The following CUBN variants were observed in gnomAD, a reference collection of about 807,000 sequenced individuals.
CUBN encodes the protein cubilin, also known as 460 kDa receptor.
A neutral mutation model predicts 405.3 loss-of-function variants in CUBN; 282 were observed. That is an observed-to-expected ratio of 0.70 (90% CI 0.63 to 0.77). The LOEUF (loss-of-function observed/expected upper bound fraction) is 0.77, where lower values mean the gene tolerates loss of function less well. Among genes scored for constraint, CUBN ranks in the 30% least tolerant of loss-of-function variants. The probability of loss-of-function intolerance (pLI) is 0.00; values close to 1 mark genes in which losing one functional copy is unlikely to be tolerated. For synonymous variants in CUBN, 1,684 were observed against 1,617.0 expected (o/e 1.04, Z -0.99); for missense variants, 4,514 against 4,475.2 (o/e 1.01, Z -0.25).
At position 16,901,368 on chromosome 10, in the gene CUBN, C is replaced by A; in HGVS notation, c.8154G>T (p.Leu2718=). Residue 2718 remains leucine, a synonymous_variant, in exon 52 of 67, where the codon CTG becomes CTT. Coordinates refer to ENST00000377833, the MANE Select transcript of CUBN (RefSeq NM_001081.4). The stretch of plus-strand genomic sequence containing the variant: ...TGGTGTGCCCTTGTGGGGCCTCCAA[C>A]AGCGAAGAGCAGTGGGTCAGGCTGT... ...AYDSLTHCSS[L]LEAPQGHTIT... 5.6e-6 allele frequency: 9 copies of A among 1,614,188 alleles called. No individual in the cohort carries two copies. Among genetic ancestry groups the A allele is most frequent in the Non-Finnish European group, 7.6e-6 (9 of 1,180,018 alleles).
chr10:16,976,717 T>C (rs1289881904), intron 31 of CUBN, among the ~76,000 whole-genome samples: 3 of 152,174 alleles, frequency 2.0e-5, no homozygotes, highest in South Asian at 4.1e-4. Context: ...TCTATGTGTC[T>C]TAACCTCTCT....
chr10:16,898,881 A>T, intron 54 of CUBN, 115 bp downstream of exon 54: 1 of 788,496 alleles, frequency 1.3e-6, no homozygotes. Context: ...CTTTTCATCC[A>T]AGGAATCCAG....
intron 36 of CUBN, among the ~76,000 whole-genome samples, chr10:16,946,495 T>C (rs984894145): frequency 6.7e-6 from 1 of 148,842 alleles, no homozygotes; most frequent in Non-Finnish European, 1.5e-5. Context: ...CATTCCTTTT[T>C]TTTTTTTTTT....
At chr10:16,906,079 A>G in intron 50 of CUBN, 124 bp downstream of exon 50, 1 of 780,176 alleles carries the variant, frequency 1.3e-6, no homozygotes, top group South Asian at 1.5e-5. Context: ...ACACCACTGC[A>G]CTCCAGTCCG....
intron 28 of CUBN, among the ~76,000 whole-genome samples, chr10:17,016,949 T>C (rs1294708752): frequency 6.6e-6 from 1 of 152,196 alleles, no homozygotes; most frequent in African/African-American, 2.4e-5. Context: ...CAGGATAGTA[T>C]TGTAATTTAT....
chr10:16,907,374 T>G, intron 49 of CUBN, 134 bp downstream of exon 49: 1 of 894,338 alleles, frequency 1.1e-6, no homozygotes, highest in Non-Finnish European at 1.8e-6. Context: ...TCTGCTTATG[T>G]GTGTTTGTCT....
At chr10:16,954,617 G>T in intron 31 of CUBN, 69 bp from the exon 32 acceptor site, 1 of 1,526,164 alleles carries the variant, frequency 6.6e-7, no homozygotes, top group Non-Finnish European at 9.0e-7. Context: ...TCCACGAACT[G>T]TCTGCACGCC....
At chr10:17,117,641 G>T (rs1440372172) in intron 6 of CUBN, among the ~76,000 whole-genome samples, 1 of 152,178 alleles carries the variant, frequency 6.6e-6, no homozygotes, top group Non-Finnish European at 1.5e-5. Context: ...AGAGGTAGAG[G>T]CTGGTCTCGA....
intron 36 of CUBN, 144 bp downstream of exon 36, chr10:16,947,091 C>T (rs1842806535): frequency 1.2e-6 from 1 of 848,562 alleles, no homozygotes; most frequent in Non-Finnish European, 1.9e-6. Flanking sequence ...ATTTATAACT[C>T]AAACTATGAC....
chr10:16,871,911 G>A (rs531833290), intron 58 of CUBN, among the ~76,000 whole-genome samples: 14 of 152,126 alleles, frequency 9.2e-5, no homozygotes, highest in East Asian at 7.7e-4. Context: ...CTCTTAGTGC[G>A]CAATAAATAA....
intron 28 of CUBN, among the ~76,000 whole-genome samples, chr10:16,999,633 A>G (rs566080760): frequency 3.3e-4 from 50 of 152,356 alleles, no homozygotes; most frequent in South Asian, 1.9e-3. Flanking sequence ...TCCCTGAAAT[A>G]AGCAGTCATG....
chr10:17,068,098 C>T lies in CUBN; in HGVS notation c.2974G>A (p.Val992Ile), dbSNP rs779167161. 1.2e-6 allele frequency: 2 copies of T among 1,613,368 alleles called. No individual in the cohort carries two copies. Among genetic ancestry groups the T allele is most frequent in the South Asian group, 2.2e-5 (2 of 91,062 alleles). The change falls in exon 21 of 67, where the codon GTT becomes ATT. Residue 992 changes from valine to isoleucine, a missense_variant. Physicochemically the swap from Val to Ile is conservative, Grantham distance 29 (BLOSUM62 3). Around this residue, in one of 5 missense-constraint regions of CUBN, gnomAD observed 1,448 missense variants for 1,388.0 expected, o/e 1.04. Coordinates refer to ENST00000377833, the MANE Select transcript of CUBN (RefSeq NM_001081.4). ...HYNCTNDYLE[V>I]YDTDSETSLG... is the part of the protein sequence containing the mutation. ...GATGTCTCAGAGTCGGTGTCATAAA[C>T]TTCCAAGTAGTCGTTTGTGCAATTG...
chr10:16,897,787 C>T (rs562612114), intron 54 of CUBN, among the ~76,000 whole-genome samples: 4 of 152,246 alleles, frequency 2.6e-5, no homozygotes, highest in South Asian at 2.1e-4. Context: ...TAGGAGAAGA[C>T]GAGTGCTTCC....
Position 17,071,697 on chromosome 10 carries a change from C to T in CUBN, c.2447-93G>A, listed in dbSNP as rs1441658771. On this transcript the variant is annotated intron_variant, in intron 18 of 66. Transcript: ENST00000377833. Reference sequence around the variant, plus strand: ...AATCTAATACTGCCTGAGGAGATAACCGAATATAACATTTCTATGAGAATA... The same window carrying T: ...AATCTAATACTGCCTGAGGAGATAATCGAATATAACATTTCTATGAGAATA... The T allele has an allele frequency of 5.4e-6, 8 of 1,472,178 alleles. No individual in the cohort carries two copies. In the Admixed American group the frequency reaches 1.4e-4, roughly 26 times the overall value. 91.2% of individuals were successfully genotyped at this position (1,472,178 alleles called of 1,614,324 possible). A position where few individuals can be genotyped will look rare whatever the true frequency, so the allele number is the denominator to read the frequency against.
intron 17 of CUBN, among the ~76,000 whole-genome samples, chr10:17,078,396 T>A (rs1194390606): frequency 6.6e-6 from 1 of 152,150 alleles, no homozygotes; most frequent in Non-Finnish European, 1.5e-5. Context: ...CATTGCTCAC[T>A]CCTCATCTGC....
intron 31 of CUBN, among the ~76,000 whole-genome samples, chr10:16,973,666 G>A (rs547609505): frequency 3.3e-5 from 5 of 152,262 alleles, no homozygotes; most frequent in East Asian, 3.9e-4. Context: ...AGTAGGCCCT[G>A]GCGCCTGTTG....
chr10:16,939,174 C>T lies in CUBN; in HGVS notation c.5549-27G>A, dbSNP rs757371226. ...TAGGAGGGAAGACAGAGTAGTAAAT[C>T]AGACCCACTTAGAATTGCTCTTTAA... On this transcript the variant is annotated intron_variant, in intron 37 of 66. Transcript: ENST00000377833. 2.6e-6 allele frequency: 4 copies of T among 1,562,752 alleles called. No homozygotes were observed. In the Admixed American group the frequency reaches 6.7e-5, roughly 26 times the overall value.
intron 60 of CUBN, among the ~76,000 whole-genome samples, chr10:16,849,421 C>T (rs1363206182): frequency 6.6e-6 from 1 of 152,116 alleles, no homozygotes; most frequent in African/African-American, 2.4e-5. Context: ...AAGGAAGGCT[C>T]TTTGCTGTGT....
intron 22 of CUBN, among the ~76,000 whole-genome samples, chr10:17,052,484 C>T (rs916475855): frequency 4.0e-5 from 6 of 149,336 alleles, no homozygotes; most frequent in Non-Finnish European, 6.0e-5. Context: ...AGGCTGGGTG[C>T]GGTGGCTCAT....
Sources: gnomAD v4.1 joint callset for allele counts (sites outside exome capture counted in the v4.1 genomes callset) on GRCh38, gnomAD v4.1.1 for gene constraint, gnomAD v4.1.1 regional missense constraint, MANE v1.5 for transcripts, NCBI Gene and HGNC (gene_info 2026-07-23, HGNC 2026-07-21) for gene names.